TLK2: variants seen among roughly 807,000 people sequenced by gnomAD.
TLK2 encodes the protein serine/threonine-protein kinase tousled-like 2.
A neutral mutation model predicts 117.3 loss-of-function variants in TLK2; 6 were observed. The ratio of observed to expected loss-of-function variants is 0.05; its 90% CI spans 0.03 to 0.10. The LOEUF is 0.10. TLK2 is among the 10% of genes least tolerant of loss of function. The probability of loss-of-function intolerance (pLI) is 1.00; values close to 1 mark genes in which losing one functional copy is unlikely to be tolerated. For missense variants in TLK2, 299 were observed against 901.2 expected, an observed-to-expected ratio of 0.33 and a Z score of 8.56; for synonymous variants, 257 against 316.7, an observed-to-expected ratio of 0.81 and a Z score of 2.00.
chr17:62,514,180 A>G (rs1445391579), intron 2 of TLK2, among the ~76,000 whole-genome samples: 2 of 150,114 alleles, frequency 1.3e-5, no homozygotes, highest in Admixed American at 1.3e-4. Flanking sequence ...GTCTCGCTCT[A>G]TTGCCCAGGC....
At chr17:62,535,039 C>T (rs770658406) in intron 6 of TLK2, among the ~76,000 whole-genome samples, 9 of 151,916 alleles carry the variant, frequency 5.9e-5, no homozygotes, top group Admixed American at 2.0e-4. Flanking sequence ...CAGGTGCCCA[C>T]GACCACGCCT....
chr17:62,508,729 G>GTTACAGT (rs1420205794), intron 2 of TLK2, among the ~76,000 whole-genome samples: 1 of 152,188 alleles, frequency 6.6e-6, no homozygotes, highest in Non-Finnish European at 1.5e-5. Context: ...CACTTTGGGA[G>GTTACAGT]GCCGAGGGCA....
At chr17:62,589,233 C>CA (rs2081892687) in intron 16 of TLK2, among the ~76,000 whole-genome samples, 1 of 152,018 alleles carries the variant, frequency 6.6e-6, no homozygotes, top group South Asian at 2.1e-4. Flanking sequence ...TTAACTCCCT[C>CA]AAATAACATA....
At chr17:62,587,971 ACG>A (rs2081756612) in intron 16 of TLK2, among the ~76,000 whole-genome samples, 2 of 150,666 alleles carry the variant, frequency 1.3e-5, no homozygotes, top group Non-Finnish European at 3.0e-5. Flanking sequence ...TATAAAATAT[ACG>A]TATACATCTG....
intron 2 of TLK2, among the ~76,000 whole-genome samples, chr17:62,512,855 T>A (rs1219037629): frequency 8.3e-6 from 1 of 120,850 alleles, no homozygotes; most frequent in African/African-American, 2.8e-5. Flanking sequence ...CTTTTAAAAA[T>A]TTATTAATTA....
At chr17:62,598,770 G>A (rs1352843114) in intron 17 of TLK2, among the ~76,000 whole-genome samples, 3 of 151,870 alleles carry the variant, frequency 2.0e-5, no homozygotes, top group Non-Finnish European at 4.4e-5. Flanking sequence ...TGATCCGCCC[G>A]CCTGGGCCTC....
chr17:62,580,735 A>C (rs1323558768), intron 15 of TLK2, among the ~76,000 whole-genome samples: 8 of 152,192 alleles, frequency 5.3e-5, no homozygotes, highest in Admixed American at 5.2e-4. Context: ...TGAGGGATTC[A>C]ATATGTTTTA....
At chr17:62,482,657 G>A (rs989509709) in intron 2 of TLK2, among the ~76,000 whole-genome samples, 2 of 152,008 alleles carry the variant, frequency 1.3e-5, no homozygotes, top group African/African-American at 4.8e-5. Flanking sequence ...CTCCATGTTG[G>A]CCAGGCTGGG....
chr17:62,614,804 A>T lies in TLK2; in HGVS notation c.*2239A>T, dbSNP rs2084014431. 1 of 152,222 alleles carries T rather than the reference A, an allele frequency of 6.6e-6. No individual in the cohort carries two copies. The highest frequency in any genetic ancestry group is 1.5e-5 in the Non-Finnish European group (1 of 68,056). 9.4% of individuals were successfully genotyped at this position (152,222 alleles called of 1,614,324 possible). ...AAACATTTCCTCCAAGCTGCTAAGC[A>T]AAGGGTCTCACAGGTCGAGCACAGT... On this transcript the variant is annotated 3_prime_UTR_variant, in exon 22 of 22. Transcript: ENST00000346027.
intron 2 of TLK2, among the ~76,000 whole-genome samples, chr17:62,504,820 A>G (rs2319039): frequency 3.3e-5 from 5 of 151,976 alleles, no homozygotes; most frequent in African/African-American, 4.8e-5. Flanking sequence ...AAAAATGTAT[A>G]TATATAGTGC....
At position 62,481,229 on chromosome 17, in the gene TLK2, A is replaced by G. The variant is rs1390834077; in HGVS notation, c.81+23A>G. The G allele has an allele frequency of 1.9e-6, 3 of 1,612,636 alleles. No individual in the cohort carries two copies. The African/African-American group carries it at 4.0e-5, about 22-fold the overall frequency. On this transcript the variant is annotated intron_variant, in intron 2 of 21. Coordinates refer to ENST00000346027, the MANE Select transcript of TLK2 (RefSeq NM_006852.6). ...AAGGTGAGTAAAATGATGATCATGA[A>G]CACTATTCATATTCTAATTTAAACA...
At chr17:62,531,247 A>G (rs1217435568) in intron 6 of TLK2, among the ~76,000 whole-genome samples, 1 of 145,552 alleles carries the variant, frequency 6.9e-6, no homozygotes, top group African/African-American at 2.5e-5. Context: ...TTTTATTACC[A>G]TGGCTTTTGA....
chr17:62,504,816 G>GTA (rs948326926), intron 2 of TLK2, among the ~76,000 whole-genome samples: 2 of 151,886 alleles, frequency 1.3e-5, no homozygotes, highest in Non-Finnish European at 2.9e-5. Context: ...TTTAAAAAAT[G>GTA]TATATATATA....
intron 2 of TLK2, among the ~76,000 whole-genome samples, chr17:62,490,873 C>T (rs1249886458): frequency 6.6e-6 from 1 of 152,140 alleles, no homozygotes; most frequent in African/African-American, 2.4e-5. Flanking sequence ...AGAATTTAAT[C>T]TGCAAATGAC....
chr17:62,572,985 A>G, intron 11 of TLK2: 1 of 451,620 alleles, frequency 2.2e-6, no homozygotes, highest in Non-Finnish European at 4.0e-6. Flanking sequence ...CTTCCTGTCC[A>G]CTCTGAAAAT....
rs552638460 is a variant in TLK2 at position 62,614,948 on chromosome 17, ATTTG to A, written c.*2391_*2394del. 116 of 152,082 alleles carry A rather than the reference ATTTG, an allele frequency of 7.6e-4. No individual in the cohort carries two copies. The highest frequency in any genetic ancestry group is 2.7e-3 in the African/African-American group (110 of 41,460). The allele number at this position is 152,082 out of a possible 1,614,324, so 9.4% of individuals were successfully genotyped here. A position where few individuals can be genotyped will look rare whatever the true frequency, so the allele number is the denominator to read the frequency against. On this transcript the variant is annotated 3_prime_UTR_variant, in exon 22 of 22. Transcript: ENST00000346027. The stretch of plus-strand genomic sequence containing the variant: ...TTCCTCTCCAATGATCTTGCAGTTG[ATTTG>A]TTTGTTTTTTAATTTTTTAACATTT...
intron 2 of TLK2, among the ~76,000 whole-genome samples, chr17:62,508,169 T>TTG (rs1567815292): frequency 2.6e-4 from 1 of 3,874 alleles, no homozygotes; most frequent in African/African-American, 3.0e-4. Flanking sequence ...AATTTCCTAG[T>TTG]TTTTTTTTTT....
intron 2 of TLK2, among the ~76,000 whole-genome samples, chr17:62,510,549 T>A (rs1166575176): frequency 6.6e-6 from 1 of 152,202 alleles, no homozygotes; most frequent in Non-Finnish European, 1.5e-5. Flanking sequence ...TTTCTTATAG[T>A]TCTGAAGACT....
At chr17:62,545,848 T>C (rs1279930944) in intron 7 of TLK2, among the ~76,000 whole-genome samples, 1 of 151,462 alleles carries the variant, frequency 6.6e-6, no homozygotes, top group African/African-American at 2.4e-5. Context: ...GGACTACAGG[T>C]GTGTGCCACC....
Sources: allele counts gnomAD v4.1 joint callset (sites outside exome capture counted in the v4.1 genomes callset), GRCh38; gene constraint gnomAD v4.1.1; transcripts MANE v1.5; gene names NCBI Gene and HGNC (gene_info 2026-07-23, HGNC 2026-07-21).